ATXN1: variants seen among roughly 807,000 people sequenced by gnomAD.
ATXN1 encodes the protein ataxin-1.
ATXN1 carries 8 observed loss-of-function variants against 56.4 expected under a neutral mutation model. The observed-to-expected ratio is 0.14, with a 90% confidence interval of 0.08 to 0.26. The LOEUF (loss-of-function observed/expected upper bound fraction) is 0.26, where lower values mean the gene tolerates loss of function less well. Among genes scored for constraint, ATXN1 ranks in the 10% least tolerant of loss-of-function variants. The pLI is 1.00. For synonymous variants in ATXN1, 514 were observed against 494.6 expected (o/e 1.04, Z -0.52); for missense variants, 987 against 1,106.5 (o/e 0.89, Z 1.53).
At chr6:16,680,556 G>A (rs1270839125) in intron 2 of ATXN1, among the ~76,000 whole-genome samples, 2 of 152,162 alleles carry the variant, frequency 1.3e-5, no homozygotes, top group Non-Finnish European at 2.9e-5. Context: ...CTGACACTGG[G>A]GCAGGGGTGA....
chr6:16,359,889 G>A (rs1197908082), intron 6 of ATXN1, among the ~76,000 whole-genome samples: 1 of 152,036 alleles, frequency 6.6e-6, no homozygotes, highest in South Asian at 2.1e-4. Context: ...GCCTCACAAT[G>A]ATACAGTGGA....
At chr6:16,549,232 A>G (rs1561750213) in intron 4 of ATXN1, among the ~76,000 whole-genome samples, 1 of 152,190 alleles carries the variant, frequency 6.6e-6, no homozygotes, top group Non-Finnish European at 1.5e-5. Context: ...TGCATAAACC[A>G]ATAACAGTTG....
chr6:16,587,039 C>A (rs1453990494), intron 3 of ATXN1, among the ~76,000 whole-genome samples: 1 of 151,584 alleles, frequency 6.6e-6, no homozygotes, highest in Admixed American at 6.6e-5. Flanking sequence ...AGTATCAAAT[C>A]ACTATCACCT....
intron 3 of ATXN1, among the ~76,000 whole-genome samples, chr6:16,592,201 C>T (rs1762735380): frequency 6.6e-6 from 1 of 152,152 alleles, no homozygotes; most frequent in Non-Finnish European, 1.5e-5. Flanking sequence ...GCCAGCACTT[C>T]AGTGATGATG....
intron 3 of ATXN1, among the ~76,000 whole-genome samples, chr6:16,654,377 C>G (rs11759688): frequency 6.6e-6 from 1 of 152,026 alleles, no homozygotes; most frequent in Admixed American, 6.6e-5. Flanking sequence ...AACCCCATTT[C>G]TACTAAAAAT....
chr6:16,582,533 T>A (rs568135181), intron 4 of ATXN1, among the ~76,000 whole-genome samples: 101 of 152,288 alleles, frequency 6.6e-4, no homozygotes, highest in African/African-American at 2.2e-3. Flanking sequence ...AAAGTCCCCA[T>A]GGGACTTTGC....
At chr6:16,662,188 T>C (rs1191611124) in intron 2 of ATXN1, among the ~76,000 whole-genome samples, 1 of 152,134 alleles carries the variant, frequency 6.6e-6, no homozygotes, top group Non-Finnish European at 1.5e-5. Flanking sequence ...AGAAACCAGG[T>C]TCTTAATCCC....
intron 1 of ATXN1, chr6:16,754,042 C>A (rs1179812210): frequency 6.6e-6 from 1 of 152,144 alleles, no homozygotes; most frequent in Non-Finnish European, 1.5e-5. Context: ...CTTCCATATA[C>A]CTTTCCATCA....
At chr6:16,669,667 C>CTTTTTTTTTTTTTTT (rs11356086) in intron 2 of ATXN1, among the ~76,000 whole-genome samples, 1 of 113,132 alleles carries the variant, frequency 8.8e-6, no homozygotes, top group African/African-American at 3.3e-5. Context: ...ACTGAACAAT[C>CTTTTTTTTTTTTTTT]TTTTTTTTTT....
intron 3 of ATXN1, among the ~76,000 whole-genome samples, chr6:16,596,917 A>G (rs911252505): frequency 1.3e-5 from 2 of 152,158 alleles, no homozygotes; most frequent in African/African-American, 4.8e-5. Flanking sequence ...CACACCCACG[A>G]ATTTCATCTC....
chr6:16,635,745 G>C (rs1387288298), intron 3 of ATXN1, among the ~76,000 whole-genome samples: 1 of 152,212 alleles, frequency 6.6e-6, no homozygotes. Flanking sequence ...GCTTCAGAAG[G>C]AGAAGGAAAA....
chr6:16,595,779 G>A (rs927107258), intron 3 of ATXN1, among the ~76,000 whole-genome samples: 1 of 151,078 alleles, frequency 6.6e-6, no homozygotes, highest in African/African-American at 2.5e-5. Context: ...TGCTATTAAT[G>A]CCTGTTAAGT....
intron 6 of ATXN1, among the ~76,000 whole-genome samples, chr6:16,435,809 A>G (rs920019760): frequency 6.6e-6 from 1 of 152,184 alleles, no homozygotes; most frequent in Non-Finnish European, 1.5e-5. Flanking sequence ...ACCTGAAGCA[A>G]GTTACTTTAT....
At chr6:16,496,806 T>A (rs1358444435) in intron 5 of ATXN1, among the ~76,000 whole-genome samples, 1 of 152,066 alleles carries the variant, frequency 6.6e-6, no homozygotes, top group Non-Finnish European at 1.5e-5. Context: ...AGAATTAGCA[T>A]CATCTATGTG....
At chr6:16,676,868 CT>C (rs558432480) in intron 2 of ATXN1, among the ~76,000 whole-genome samples, 2,676 of 148,142 alleles carry the variant, frequency 0.018, 69 homozygotes, top group African/African-American at 0.059. Flanking sequence ...ACACCAATCA[CT>C]TTTTTTTTTT....
chr6:16,624,728 C>T (rs2113804444), intron 3 of ATXN1, among the ~76,000 whole-genome samples: 1 of 152,284 alleles, frequency 6.6e-6, no homozygotes, highest in African/African-American at 2.4e-5. Flanking sequence ...AAAGTTACTG[C>T]TCACATTGCA....
intron 2 of ATXN1, among the ~76,000 whole-genome samples, chr6:16,693,576 C>A (rs1759094698): frequency 6.6e-6 from 1 of 152,094 alleles, no homozygotes; most frequent in Non-Finnish European, 1.5e-5. Context: ...AACTGCTAAT[C>A]ATAACAGAAC....
At chr6:16,615,127 T>C (rs1763183935) in intron 3 of ATXN1, 1 of 147,748 alleles carries the variant, frequency 6.8e-6, no homozygotes, top group Non-Finnish European at 1.5e-5. Context: ...GGACAGGTAA[T>C]TTCAAAGCTT....
At position 16,586,571 on chromosome 6, in the gene ATXN1, C is replaced by G. The variant is rs1389461451; in HGVS notation, c.-488-664G>C. On this transcript the variant is annotated intron_variant, in intron 3 of 7. Coordinates refer to ENST00000436367, the MANE Select transcript of ATXN1 (RefSeq NM_001128164.2). ...AGGTGGCCAGGAATCATGTTTACCT[C>G]TGCATTATTGACAAGAAAACTGACA... 2.6e-5 allele frequency among the ~76,000 whole-genome samples: 4 copies of G among 152,196 alleles called. No homozygotes were observed. In the East Asian group the frequency reaches 5.8e-4, roughly 22 times the overall value.
Sources: gnomAD v4.1 joint callset for allele counts (sites outside exome capture counted in the v4.1 genomes callset) on GRCh38, gnomAD v4.1.1 for gene constraint, MANE v1.5 for transcripts, NCBI Gene and HGNC (gene_info 2026-07-23, HGNC 2026-07-21) for gene names.